CA5A: variants seen among roughly 807,000 people sequenced by gnomAD.
CA5A encodes carbonic anhydrase 5A, mitochondrial.
Under a neutral mutation model 37.1 loss-of-function variants are expected in CA5A, and 28 were observed. The ratio of observed to expected loss-of-function variants is 0.75; its 90% confidence interval spans 0.56 to 1.03. The LOEUF (loss-of-function observed/expected upper bound fraction) is 1.03, where lower values mean the gene tolerates loss of function less well. Ranked by LOEUF, CA5A falls within the 50% of genes least tolerant of loss-of-function variation. The pLI, the probability that CA5A is intolerant of heterozygous loss-of-function variation, is 0.00. For missense variants in CA5A, 444 were observed against 399.9 expected (o/e 1.11, Z -0.94); for synonymous variants, 171 against 158.4 (o/e 1.08, Z -0.60).
At chr16:87,920,589 C>T (rs1358007384) in intron 2 of CA5A, among the ~76,000 whole-genome samples, 10 of 152,042 alleles carry the variant, frequency 6.6e-5, no homozygotes, top group East Asian at 1.9e-4. Context: ...GGATTACAGG[C>T]GTGAGCTACT....
At chr16:87,902,023 G>C (rs1567520244) in intron 4 of CA5A, 49 bp from the exon 5 acceptor site, 1 of 1,515,958 alleles carries the variant, frequency 6.6e-7, no homozygotes, top group East Asian at 2.3e-5. Context: ...GTGGATGGGG[G>C]GGGAAGCTCA....
chr16:87,883,263 T>C (rs2055623280), downstream of CA5A: 2 of 152,068 alleles, frequency 1.3e-5, no homozygotes, highest in Admixed American at 1.3e-4. Flanking sequence ...GACCTCATGA[T>C]CTGCCCACCT....
At chr16:87,929,896 A>T (rs996919723) in intron 1 of CA5A, among the ~76,000 whole-genome samples, 1 of 150,516 alleles carries the variant, frequency 6.6e-6, no homozygotes, top group Non-Finnish European at 1.5e-5. Context: ...AAAAAAAAAA[A>T]TAAGTAAACC....
exon 5 of CA5A, chr16:87,881,795 T>A (rs981222761): frequency 2.0e-5 from 3 of 152,198 alleles, no homozygotes; most frequent in Admixed American, 6.5e-5. Flanking sequence ...CCTCTCGGCG[T>A]GTTTGTGGTT....
At chr16:87,935,279 G>A (rs190508544) in intron 1 of CA5A, among the ~76,000 whole-genome samples, 1 of 152,342 alleles carries the variant, frequency 6.6e-6, no homozygotes, top group African/African-American at 2.4e-5. Context: ...GAAAGAGGAA[G>A]GGCCTCGTTC....
intron 2 of CA5A, chr16:87,925,658 A>G (rs2056295523): frequency 1.3e-5 from 2 of 152,170 alleles, no homozygotes; most frequent in African/African-American, 4.8e-5. Flanking sequence ...AGGCATAGAG[A>G]GAACCTTCCC....
In CA5A at chr16:87,913,975, G is replaced by A. The variant is rs575988305; in HGVS notation, c.341-9071C>T. On this transcript the variant is annotated intron_variant, in intron 2 of 6. Coordinates refer to ENST00000649794, the MANE Select transcript of CA5A (RefSeq NM_001739.2). Reference sequence around the variant, plus strand: ...AAGAGGCGTGGGGAGCGGCGGCAGCGCGTTCATCCACTGTGCTTGACGTCG... The same window carrying A: ...AAGAGGCGTGGGGAGCGGCGGCAGCACGTTCATCCACTGTGCTTGACGTCG... Among the ~76,000 whole-genome samples, 17 of 152,348 alleles carry A rather than the reference G, an allele frequency of 1.1e-4. No homozygotes were observed. In the East Asian group the frequency reaches 2.7e-3, roughly 24 times the overall value.
intron 1 of CA5A, among the ~76,000 whole-genome samples, chr16:87,930,109 A>G (rs11863558): frequency 0.14 from 21,334 of 152,062 alleles, 1,929 homozygotes; most frequent in African/African-American, 0.25. Flanking sequence ...ATCAACGTGC[A>G]TGGTAACATC....
At chr16:87,932,840 C>A (rs558840627) in intron 1 of CA5A, among the ~76,000 whole-genome samples, 19 of 152,306 alleles carry the variant, frequency 1.2e-4, no homozygotes, top group African/African-American at 4.6e-4. Flanking sequence ...CCCTTGACCT[C>A]CATGGGAGGA....
At chr16:87,923,892 C>G (rs555380351) in intron 2 of CA5A, 1 of 984,790 alleles carries the variant, frequency 1.0e-6, no homozygotes, top group Admixed American at 6.1e-5. Flanking sequence ...AAATATTAAC[C>G]CAAACAATTA....
intron 2 of CA5A, among the ~76,000 whole-genome samples, chr16:87,907,373 C>T (rs2055979495): frequency 6.6e-6 from 1 of 152,224 alleles, no homozygotes; most frequent in African/African-American, 2.4e-5. Flanking sequence ...CGACCAGCCC[C>T]AGCAGCATCA....
At chr16:87,931,516 ATAT>A (rs2056405223) in intron 1 of CA5A, among the ~76,000 whole-genome samples, 4 of 152,214 alleles carry the variant, frequency 2.6e-5, no homozygotes, top group Admixed American at 1.3e-4. Flanking sequence ...GTTACCTGGC[ATAT>A]TATTTACCAC....
chr16:87,916,546 C>T (rs6540109), intron 2 of CA5A, among the ~76,000 whole-genome samples: 1 of 152,112 alleles, frequency 6.6e-6, no homozygotes, highest in African/African-American at 2.4e-5. Context: ...CTATCACCTG[C>T]TTTCATTTTC....
downstream of CA5A, chr16:87,884,047 G>A (rs2055629321): frequency 6.6e-6 from 1 of 152,014 alleles, no homozygotes. Context: ...GTAAGGTAAT[G>A]TTGGAAGATA....
intron 1 of CA5A, among the ~76,000 whole-genome samples, chr16:87,936,081 A>C (rs1567542697): frequency 6.6e-6 from 1 of 150,784 alleles, no homozygotes; most frequent in Non-Finnish European, 1.5e-5. Flanking sequence ...CTGAGGCAGG[A>C]GAATCGCTTG....
downstream of CA5A, chr16:87,883,940 C>T (rs1597533895): frequency 6.6e-6 from 1 of 151,710 alleles, no homozygotes; most frequent in Non-Finnish European, 1.5e-5. Context: ...CCGCGCCTGA[C>T]CTAACCTACT....
chr16:87,904,303 A>G (rs1395663725), intron 3 of CA5A, among the ~76,000 whole-genome samples: 3 of 151,848 alleles, frequency 2.0e-5, no homozygotes, highest in Non-Finnish European at 2.9e-5. Context: ...GATTGCACCA[A>G]TGCACTCCAG....
chr16:87,898,578 C>T (rs961500402), intron 5 of CA5A, among the ~76,000 whole-genome samples: 4 of 152,154 alleles, frequency 2.6e-5, no homozygotes, highest in Admixed American at 6.5e-5. Flanking sequence ...ATTTTCGTTT[C>T]GTGACGGGCA....
intron 2 of CA5A, among the ~76,000 whole-genome samples, chr16:87,908,800 T>C (rs1274013010): frequency 1.3e-5 from 2 of 151,756 alleles, no homozygotes; most frequent in Non-Finnish European, 1.5e-5. Context: ...GAATTCTTCT[T>C]CTCCTCCTTC....
Sources: gnomAD v4.1 joint callset for allele counts (sites outside exome capture counted in the v4.1 genomes callset) on GRCh38, gnomAD v4.1.1 for gene constraint, MANE v1.5 for transcripts, NCBI Gene and HGNC (gene_info 2026-07-23, HGNC 2026-07-21) for gene names.